Variants in LAMA1 observed in about 807,000 individuals in gnomAD.
LAMA1 encodes the protein laminin subunit alpha-1.
Under a neutral mutation model 348.7 loss-of-function variants are expected in LAMA1, and 219 were observed. That is an observed-to-expected ratio of 0.63 (90% CI 0.56 to 0.70). LAMA1 has a LOEUF of 0.70. Ranked by LOEUF, LAMA1 falls within the 30% of genes least tolerant of loss-of-function variation. The pLI is 0.00. For synonymous variants in LAMA1, 1,487 were observed against 1,491.0 expected, an observed-to-expected ratio of 1.00 and a Z score of 0.06; for missense variants, 3,744 against 3,888.0, an observed-to-expected ratio of 0.96 and a Z score of 0.99.
intron 34 of LAMA1, among the ~76,000 whole-genome samples, chr18:6,994,506 G>A (rs1023834150): frequency 7.9e-5 from 12 of 152,108 alleles, no homozygotes; most frequent in Admixed American, 6.5e-4. Flanking sequence ...ATGTTTGCTT[G>A]ATGAGGTACT....
At position 7,023,861 on chromosome 18, in the gene LAMA1, T is replaced by C. The variant is rs143978698; in HGVS notation, c.2490-486A>G. On this transcript the variant is annotated intron_variant, in intron 18 of 62. Transcript: ENST00000389658. ...TTTTGTTTTGTTTTGTTTTTTGAGATAGAGTCTCACTCTGTCTCCTAGGCT... is the reference window on the plus strand; with the variant it reads ...TTTTGTTTTGTTTTGTTTTTTGAGACAGAGTCTCACTCTGTCTCCTAGGCT... Among the ~76,000 whole-genome samples, 41 of 152,262 alleles carry C rather than the reference T, an allele frequency of 2.7e-4. No individual in the cohort carries two copies. The East Asian group carries it at 3.3e-3, about 12-fold the overall frequency.
At chr18:7,079,924 C>CCA in intron 3 of LAMA1, 51 bp downstream of exon 3, 3 of 1,309,334 alleles carry the variant, frequency 2.3e-6, no homozygotes, top group Middle Eastern at 3.6e-4. Flanking sequence ...CATCAGAAGA[C>CCA]CACAGCTCAG....
intron 1 of LAMA1, among the ~76,000 whole-genome samples, chr18:7,099,059 G>A (rs2058279592): frequency 1.3e-5 from 2 of 151,940 alleles, no homozygotes; most frequent in African/African-American, 4.8e-5. Flanking sequence ...TGAGAAATCG[G>A]ATGGTTGCCG....
At chr18:7,043,874 G>A (rs2058030802) in intron 7 of LAMA1, among the ~76,000 whole-genome samples, 1 of 152,134 alleles carries the variant, frequency 6.6e-6, no homozygotes, top group Admixed American at 6.5e-5. Context: ...AAGCGATGTG[G>A]GCTGGGCGCC....
At chr18:7,065,392 A>AT (rs2058118960) in intron 3 of LAMA1, among the ~76,000 whole-genome samples, 1 of 152,094 alleles carries the variant, frequency 6.6e-6, no homozygotes, top group Admixed American at 6.5e-5. Flanking sequence ...CAAGAAAACA[A>AT]TTACACATAT....
chr18:7,036,866 C>A (rs9956252), intron 12 of LAMA1, among the ~76,000 whole-genome samples: 26,338 of 151,708 alleles, frequency 0.17, 2,403 homozygotes, highest in African/African-American at 0.2. Context: ...AAAACAAAAC[C>A]AAAAACCCGG....
chr18:7,040,061 G>C lies in LAMA1; in HGVS notation c.1422+15C>G. ...TCAAAGGAAGCTCAGGGGTGTCTCT[G>C]ACCTCCCCACTTACCTTACAAACAC... On this transcript the variant is annotated intron_variant, in intron 10 of 62. Transcript: ENST00000389658. The C allele has an allele frequency of 6.2e-7, 1 of 1,613,544 alleles. No homozygotes were observed. Among genetic ancestry groups the C allele is most frequent in the Non-Finnish European group, 8.5e-7 (1 of 1,179,932 alleles).
At chr18:6,983,361 A>G (rs1600371356) in intron 39 of LAMA1, 127 bp from the exon 40 acceptor site, 1 of 970,082 alleles carries the variant, frequency 1.0e-6, no homozygotes, top group East Asian at 2.6e-5. Flanking sequence ...GAAGAGTATC[A>G]TCCATAAAAA....
chr18:7,069,117 T>C (rs1333609628), intron 3 of LAMA1, among the ~76,000 whole-genome samples: 2 of 152,176 alleles, frequency 1.3e-5, no homozygotes, highest in Admixed American at 1.3e-4. Context: ...CAGCTCAAAA[T>C]CTAAAGAGAA....
chr18:7,015,979 C>T, intron 21 of LAMA1, 121 bp from the exon 22 acceptor site: 1 of 1,191,446 alleles, frequency 8.4e-7, no homozygotes, highest in Non-Finnish European at 1.2e-6. Flanking sequence ...CTAAAAGACG[C>T]CTCACAATTC....
chr18:6,959,388 GGTACCC>G lies in LAMA1; in HGVS notation c.7725_7730del (p.Gly2576_Thr2577del). 1 of 1,614,158 alleles carries G rather than the reference GGTACCC, an allele frequency of 6.2e-7. No individual in the cohort carries two copies. On this transcript the variant is annotated inframe_deletion, in exon 54 of 63. Transcript: ENST00000389658. ...TGGAATGCGCTTGTCCATCACTGCA[GGTACCC>G]GTGGGAGCGTGCAGGAGAGCTTTTC...
chr18:7,053,774 T>C (rs1471527652), intron 3 of LAMA1, among the ~76,000 whole-genome samples: 2 of 145,904 alleles, frequency 1.4e-5, no homozygotes, highest in Non-Finnish European at 3.0e-5. Flanking sequence ...ACTCCCTCAT[T>C]AGAGGATTTT....
chr18:6,989,286 T>C (rs1054081105), intron 36 of LAMA1, among the ~76,000 whole-genome samples: 5 of 152,140 alleles, frequency 3.3e-5, no homozygotes, highest in African/African-American at 1.2e-4. Flanking sequence ...TTGTTCCATC[T>C]GGCTGGACTT....
intron 17 of LAMA1, among the ~76,000 whole-genome samples, 190 bp downstream of exon 17, chr18:7,025,789 T>G (rs1269160178): frequency 6.6e-6 from 1 of 152,234 alleles, no homozygotes; most frequent in Non-Finnish European, 1.5e-5. Context: ...TCTTCTTGCC[T>G]GCTTTCATAA....
At chr18:7,112,605 T>TAC (rs1210384116) in intron 1 of LAMA1, among the ~76,000 whole-genome samples, 1 of 143,584 alleles carries the variant, frequency 7.0e-6, no homozygotes, top group Non-Finnish European at 1.5e-5. Context: ...AATATATATA[T>TAC]ATACACACAT....
Position 7,049,252 on chromosome 18 carries a change from A to G in LAMA1, c.594T>C (p.His198=). 5 of 1,613,554 alleles carry G rather than the reference A, an allele frequency of 3.1e-6. No homozygotes were observed. Among genetic ancestry groups the G allele is most frequent in the Non-Finnish European group, 4.2e-6 (5 of 1,179,454 alleles). Residue 198 remains histidine (H), a synonymous_variant, in exon 5 of 63, where the codon CAT becomes CAC. Coordinates refer to ENST00000389658, the MANE Select transcript of LAMA1 (RefSeq NM_005559.4). ...RLVPLEHGEI[H]TSLINGRPSA... ...TTGGTCTGCCATTGATGAGTGATGT[A>G]TGAATCTGAAGATGAAGGCATCAAA...
In LAMA1 at chr18:7,117,778, G is replaced by A. The variant is rs2058364372; in HGVS notation, c.-58C>T. 7.3e-6 allele frequency: 11 copies of A among 1,501,658 alleles called. No individual in the cohort carries two copies. In the South Asian group the frequency reaches 1.1e-4, roughly 14 times the overall value. 93.0% of individuals were successfully genotyped at this position (1,501,658 alleles called of 1,614,324 possible). On this transcript the variant is annotated 5_prime_UTR_variant, in exon 1 of 63. Coordinates refer to ENST00000389658, the MANE Select transcript of LAMA1 (RefSeq NM_005559.4). ...AGAAAGCCGCGCGCCCGCCTGGAACGCTCCACGGGACGCGAGTCCGCGCTG... is the reference window on the plus strand; with the variant it reads ...AGAAAGCCGCGCGCCCGCCTGGAACACTCCACGGGACGCGAGTCCGCGCTG...
In LAMA1 at chr18:7,112,705, C is replaced by T. The variant is rs942012423; in HGVS notation, c.61+4955G>A. On this transcript the variant is annotated intron_variant, in intron 1 of 62. Transcript: ENST00000389658. Reference sequence around the variant, plus strand: ...AGGCTGGAATGCAATGGCACGATCTCGGCTCACCACAACTTCCGCCTCCAG... The same window carrying T: ...AGGCTGGAATGCAATGGCACGATCTTGGCTCACCACAACTTCCGCCTCCAG... Among the ~76,000 whole-genome samples, 4 of 150,680 alleles carry T rather than the reference C, an allele frequency of 2.7e-5. No homozygotes were observed. The East Asian group carries it at 7.8e-4, about 30-fold the overall frequency.
chr18:7,066,086 T>C (rs1205215744), intron 3 of LAMA1, among the ~76,000 whole-genome samples: 2 of 152,044 alleles, frequency 1.3e-5, no homozygotes, highest in African/African-American at 4.8e-5. Flanking sequence ...TCACCCATAT[T>C]CCCCTGGAAA....
Sources: gnomAD v4.1 joint callset for allele counts (sites outside exome capture counted in the v4.1 genomes callset) on GRCh38, gnomAD v4.1.1 for gene constraint, MANE v1.5 for transcripts, NCBI Gene and HGNC (gene_info 2026-07-23, HGNC 2026-07-21) for gene names.